Variants in C1orf167 observed in about 807,000 individuals in gnomAD.
The protein encoded by C1orf167 is chromosome 1 open reading frame 167.
A neutral mutation model predicts 176.5 loss-of-function variants in C1orf167; 153 were observed. The ratio of observed to expected loss-of-function variants is 0.87; its 90% CI spans 0.76 to 0.99. The LOEUF (loss-of-function observed/expected upper bound fraction) is 0.99. Among genes scored for constraint, C1orf167 ranks in the 50% least tolerant of loss-of-function variants. The probability of loss-of-function intolerance (pLI) is 0.00; values close to 1 mark genes in which losing one functional copy is unlikely to be tolerated. For synonymous variants in C1orf167, 594 were observed against 752.7 expected, an observed-to-expected ratio of 0.79 and a Z score of 3.45; for missense variants, 1,490 against 1,817.7, an observed-to-expected ratio of 0.82 and a Z score of 3.28.
chr1:11,779,283 G>T, intron 12 of C1orf167: 1 of 319,886 alleles, frequency 3.1e-6, no homozygotes, highest in Non-Finnish European at 5.3e-6. Context: ...TGTTCCTCTT[G>T]GAGATTTTGC....
At chr1:11,788,623 G>A (rs1372059918) in intron 19 of C1orf167, 29 bp from the exon 20 acceptor site, 6 of 1,300,312 alleles carry the variant, frequency 4.6e-6, no homozygotes, top group Non-Finnish European at 4.1e-6. Context: ...GTGAGCACAA[G>A]AGGCCTTCTC....
chr1:11,779,402 T>A, intron 12 of C1orf167: 1 of 219,512 alleles, frequency 4.6e-6, no homozygotes, highest in Admixed American at 5.2e-5. Flanking sequence ...TTGGGCAAGT[T>A]GCATAACTTC....
rs960758307 is a variant in C1orf167 at position 11,764,340 on chromosome 1, G to A, written c.-61G>A. ...TGTCCTCTCCCCGCAGGGCCCATCT[G>A]ATTAAACAGACCAGGCCACTCACTG... On this transcript the variant is annotated 5_prime_UTR_variant, in exon 2 of 21. Coordinates refer to ENST00000688073, the MANE Select transcript of C1orf167 (RefSeq NM_001010881.2). 2.4e-6 allele frequency: 3 copies of A among 1,244,908 alleles called. No homozygotes were observed. In the African/African-American group the frequency reaches 4.6e-5, roughly 19 times the overall value. 77.1% of individuals were successfully genotyped at this position (1,244,908 alleles called of 1,614,324 possible). A position where few individuals can be genotyped will look rare whatever the true frequency, so the allele number is the denominator to read the frequency against.
intron 1 of C1orf167, among the ~76,000 whole-genome samples, chr1:11,763,010 G>A (rs1164518884): frequency 4.6e-5 from 7 of 152,182 alleles, no homozygotes; most frequent in Admixed American, 6.5e-5. Context: ...GAAGGCAGAG[G>A]GGACAGCAGC....
In C1orf167 at chr1:11,766,703, C is replaced by T. The variant is rs1410940467; in HGVS notation, c.917C>T (p.Ala306Val). 7.8e-6 allele frequency: 10 copies of T among 1,289,788 alleles called. No individual in the cohort carries two copies. The highest frequency in any genetic ancestry group is 1.2e-5 in the South Asian group (1 of 81,020). The allele number at this position is 1,289,788 out of a possible 1,614,324, so 79.9% of individuals were successfully genotyped here. ...CGCCTTCGAGGCCACAGGGAAACTG[C>T]GGCTTTCTTGGAGACCCCGGCTAGT... Reference protein sequence around the residue: ...RRRLRGHRETAAFLETPASLS... With the variant: ...RRRLRGHRETVAFLETPASLS... Residue 306 changes from alanine to valine, a missense_variant, in exon 3 of 21, where the codon GCG (alanine) becomes GTG (valine). Coordinates refer to ENST00000688073, the MANE Select transcript of C1orf167 (RefSeq NM_001010881.2). This position sits in a 1 kb window ranked among gnomAD's most constrained non-coding sequence, Gnocchi z 4.5.
rs149055513 is a variant in C1orf167, at chr1:11,788,613, G to A, written c.4079-39G>A. ...GAAGGGCTGGGGACTGCGGGGGAGC[G>A]TGAGCACAAGAGGCCTTCTCTGCCA... On this transcript the variant is annotated intron_variant, in intron 19 of 20. Transcript: ENST00000688073. 8.5e-4 allele frequency: 1,097 copies of A among 1,292,250 alleles called. 7 individuals are homozygous for A. Among genetic ancestry groups the A allele is most frequent in the African/African-American group, 8.5e-3 (556 of 65,678 alleles). 80.0% of individuals were successfully genotyped at this position (1,292,250 alleles called of 1,614,324 possible). A position where few individuals can be genotyped will look rare whatever the true frequency, so the allele number is the denominator to read the frequency against.
In C1orf167 at chr1:11,778,813, G is replaced by C. The variant is rs1302704190; in HGVS notation, c.2493G>C (p.Glu831Asp). 3.9e-6 allele frequency: 5 copies of C among 1,294,612 alleles called. No individual in the cohort carries two copies. Among genetic ancestry groups the C allele is most frequent in the Non-Finnish European group, 5.1e-6 (5 of 982,528 alleles). 80.2% of individuals were successfully genotyped at this position (1,294,612 alleles called of 1,614,324 possible). A position where few individuals can be genotyped will look rare whatever the true frequency, so the allele number is the denominator to read the frequency against. ...GCAGCACACTCCAAGACTCTCTGGA[G>C]AAGGTGAGAGGTAGGAGGGTGGGGA... ...LSSSTLQDSL[E>D]KVPRAPTLPD... Residue 831 changes from glutamate (E) to aspartate (D), a missense_variant, in exon 11 of 21, where the codon GAG (glutamate) becomes GAC (aspartate). Transcript: ENST00000688073.
In C1orf167 at chr1:11,787,886, T is replaced by C. The variant is rs1233869144; in HGVS notation, c.3687T>C (p.His1229=). 6 of 1,233,064 alleles carry C rather than the reference T, an allele frequency of 4.9e-6. No individual in the cohort carries two copies. In the East Asian group the frequency reaches 3.5e-4, roughly 71 times the overall value. The allele number at this position is 1,233,064 out of a possible 1,614,324, so 76.4% of individuals were successfully genotyped here. ...GTAWAQRCRE[H]SLCPAFQLWP... Reference sequence around the variant, plus strand: ...TCCCCTTTCCAGGGTGCAGGGAACATTCCCTCTGCCCTGCCTTCCAGCTCT... The same window carrying C: ...TCCCCTTTCCAGGGTGCAGGGAACACTCCCTCTGCCCTGCCTTCCAGCTCT... Residue 1229 remains histidine (H), a synonymous_variant, in exon 18 of 21, where the codon CAT becomes CAC. Coordinates refer to ENST00000688073, the MANE Select transcript of C1orf167 (RefSeq NM_001010881.2).
At chr1:11,764,191 A>G in intron 1 of C1orf167, 140 bp from the exon 2 acceptor site, 1 of 350,816 alleles carries the variant, frequency 2.9e-6, no homozygotes, top group South Asian at 2.2e-5. Context: ...AGCCACTGAG[A>G]GACCAGAACA....
At chr1:11,776,779 G>C (rs1643337453) in intron 10 of C1orf167, 141 bp downstream of exon 10, 1 of 829,808 alleles carries the variant, frequency 1.2e-6, no homozygotes, top group Non-Finnish European at 1.6e-6. Context: ...CCGTGGCCCT[G>C]CACAGGGCCT....
chr1:11,785,204 T>A lies in C1orf167; in HGVS notation c.3482T>A (p.Leu1161His), dbSNP rs772055403. The A allele has an allele frequency of 1.2e-4, 155 of 1,291,596 alleles. No individual in the cohort carries two copies. Among genetic ancestry groups the A allele is most frequent in the Non-Finnish European group, 1.5e-4 (144 of 988,792 alleles). 80.0% of individuals were successfully genotyped at this position (1,291,596 alleles called of 1,614,324 possible). Residue 1161 changes from leucine (L) to histidine (H), a missense_variant, in exon 16 of 21, where the codon CTC (leucine) becomes CAC (histidine). By Grantham distance (99) the Leu-to-His change is moderately conservative. Transcript: ENST00000688073. Reference protein sequence around the residue: ...AVRGGVQRAILTQLRPAELRR... With the variant: ...AVRGGVQRAIHTQLRPAELRR... The stretch of plus-strand genomic sequence containing the variant: ...CGCGGCGGTGTCCAGCGAGCCATCC[T>A]CACCCAGCTCCGGCCGGCTGAGCTC...
Position 11,787,394 on chromosome 1 carries a change from AG to A in C1orf167, c.3575del (p.Ser1192ThrfsTer114). ...TCTCTGGCTATTCCTTCAGACCCGC[AG>A]CTGCTGGACACAGGCCACAGAGCTG... ...LGLPGAGKTR[S>X]CWTQATELVP... On this transcript the variant is annotated frameshift_variant, in exon 17 of 21. Coordinates refer to ENST00000688073, the MANE Select transcript of C1orf167 (RefSeq NM_001010881.2). LOFTEE classifies it high-confidence loss of function. 1 of 1,294,282 alleles carries A rather than the reference AG, an allele frequency of 7.7e-7. No homozygotes were observed. Among genetic ancestry groups the A allele is most frequent in the Non-Finnish European group, 1.0e-6 (1 of 983,738 alleles). 80.2% of individuals were successfully genotyped at this position (1,294,282 alleles called of 1,614,324 possible).
rs1643799075 is a variant in C1orf167, at chr1:11,785,211, G to C, written c.3489G>C (p.Gln1163His). ...RGGVQRAILT[Q>H]LRPAELRRFL... ...GTGTCCAGCGAGCCATCCTCACCCAGCTCCGGCCGGCTGAGCTCAGGCGCT... is the reference window on the plus strand; with the variant it reads ...GTGTCCAGCGAGCCATCCTCACCCACCTCCGGCCGGCTGAGCTCAGGCGCT... Residue 1163 changes from glutamine (Q) to histidine (H), a missense_variant, in exon 16 of 21, where the codon CAG (glutamine) becomes CAC (histidine). By Grantham distance (24) the Gln-to-His change is conservative (BLOSUM62 0). Coordinates refer to ENST00000688073, the MANE Select transcript of C1orf167 (RefSeq NM_001010881.2). 7.7e-7 allele frequency: 1 copy of C among 1,291,596 alleles called. No individual in the cohort carries two copies. Among genetic ancestry groups the C allele is most frequent in the Admixed American group, 2.3e-5 (1 of 43,550 alleles). 80.0% of individuals were successfully genotyped at this position (1,291,596 alleles called of 1,614,324 possible). A position where few individuals can be genotyped will look rare whatever the true frequency, so the allele number is the denominator to read the frequency against.
chr1:11,788,684 G>A lies in C1orf167; in HGVS notation c.4111G>A (p.Asp1371Asn), dbSNP rs956732405. 3 of 1,304,202 alleles carry A rather than the reference G, an allele frequency of 2.3e-6. No homozygotes were observed. Among genetic ancestry groups the A allele is most frequent in the Admixed American group, 2.3e-5 (1 of 43,546 alleles). The allele number at this position is 1,304,202 out of a possible 1,614,324, so 80.8% of individuals were successfully genotyped here. Residue 1371 changes from aspartate (D) to asparagine (N), a missense_variant, in exon 20 of 21, where the codon GAC becomes AAC. Coordinates refer to ENST00000688073, the MANE Select transcript of C1orf167 (RefSeq NM_001010881.2). The part of the protein sequence containing the change: ...QGVAPEMGLA[D>N]VVAADPATAS... ...AGTGGCACCTGAGATGGGCCTGGCA[G>A]ACGTGGTGGCAGCGGATCCTGCGAC...
At chr1:11,775,338 C>T (rs1295726379) in intron 8 of C1orf167, 97 bp from the exon 9 acceptor site, 4 of 987,130 alleles carry the variant, frequency 4.1e-6, no homozygotes, top group Admixed American at 3.6e-5. Context: ...AGTGGCTTGC[C>T]CAAGGCCTGG....
chr1:11,787,309 G>A, intron 16 of C1orf167, 79 bp from the exon 17 acceptor site: 1 of 806,908 alleles, frequency 1.2e-6, no homozygotes, highest in Non-Finnish European at 1.7e-6. Flanking sequence ...GCCAGCTAGA[G>A]CAGCGAAGAA....
intron 12 of C1orf167, 147 bp from the exon 13 acceptor site, chr1:11,779,655 C>A: frequency 1.8e-6 from 1 of 551,000 alleles, no homozygotes; most frequent in Non-Finnish European, 2.8e-6. Context: ...CTCCAGTCCC[C>A]AGCAACCCAC....
intron 8 of C1orf167, among the ~76,000 whole-genome samples, chr1:11,774,661 AG>A (rs1643228204): frequency 6.6e-6 from 1 of 152,114 alleles, no homozygotes. Flanking sequence ...AGTACAGGGT[AG>A]GGGGGCTGAG....
intron 1 of C1orf167, among the ~76,000 whole-genome samples, chr1:11,764,076 A>G (rs4845875): frequency 1.3e-5 from 2 of 151,962 alleles, no homozygotes; most frequent in Admixed American, 1.3e-4. Context: ...CTGCATGTTC[A>G]GACCTGTATG....
Sources: allele counts gnomAD v4.1 joint callset (sites outside exome capture counted in the v4.1 genomes callset), GRCh38; gene constraint gnomAD v4.1.1; non-coding constraint Gnocchi (gnomAD v3.1); transcripts MANE v1.5; gene names NCBI Gene and HGNC (gene_info 2026-07-23, HGNC 2026-07-21).